NPNT: variants seen among roughly 807,000 people sequenced by gnomAD.
The protein encoded by NPNT is nephronectin, also known as preosteoblast EGF-like repeat protein with MAM domain.
In NPNT, 45 loss-of-function variants were observed where a neutral mutation model predicts 68.6. That is an observed-to-expected ratio of 0.66 (90% CI 0.52 to 0.84). The LOEUF is 0.84. Among genes scored for constraint, NPNT ranks in the 40% least tolerant of loss-of-function variants. NPNT has a pLI of 0.00. For missense variants in NPNT, 672 were observed against 714.8 expected (o/e 0.94, Z 0.68); for synonymous variants, 233 against 253.3 (o/e 0.92, Z 0.76).
intron 2 of NPNT, among the ~76,000 whole-genome samples, chr4:105,915,054 A>G (rs934547116): frequency 1.3e-5 from 2 of 152,188 alleles, no homozygotes; most frequent in Non-Finnish European, 2.9e-5. Context: ...AGGTGAATTT[A>G]GTTTTGCTTG....
At chr4:105,964,347 C>T (rs1731955755) in intron 10 of NPNT, among the ~76,000 whole-genome samples, 1 of 152,214 alleles carries the variant, frequency 6.6e-6, no homozygotes, top group South Asian at 2.1e-4. Context: ...GACAGTAGTG[C>T]AGTGAATAAC....
In NPNT at chr4:105,898,373, TCTCTCTC is replaced by T. The variant is rs1560882088; in HGVS notation, c.172+373_172+379del. Among the ~76,000 whole-genome samples the T allele has an allele frequency of 5.0e-3, 632 of 126,826 alleles. 9 individuals are homozygous for T. Among genetic ancestry groups the T allele is most frequent in the African/African-American group, 0.021 (555 of 26,212 alleles). The allele number at this position is 126,826 out of a possible 152,430, so 83.2% of individuals were successfully genotyped here. A position where few individuals can be genotyped will look rare whatever the true frequency, so the allele number is the denominator to read the frequency against. On this transcript the variant is annotated intron_variant, in intron 2 of 11. Coordinates refer to ENST00000379987, the MANE Select transcript of NPNT (RefSeq NM_001033047.3). ...CTCTCTCTCTCTCTCTCTCTCTCTCTCTCTCTCGCTGACTCGCTTGCTCCAGGCTGGG... is the reference window on the plus strand; with the variant it reads ...CTCTCTCTCTCTCTCTCTCTCTCTCTGCTGACTCGCTTGCTCCAGGCTGGG...
chr4:105,955,486 A>T (rs1202463838), intron 8 of NPNT, among the ~76,000 whole-genome samples: 1 of 152,194 alleles, frequency 6.6e-6, no homozygotes, highest in Admixed American at 6.5e-5. Flanking sequence ...TGCTATTTAT[A>T]TGTGATCTAA....
rs1578562119 is a variant in NPNT at position 105,897,950 on chromosome 4, A to G, written c.121A>G (p.Arg41Gly). 6.2e-7 allele frequency: 1 copy of G among 1,613,532 alleles called. No homozygotes were observed. The highest frequency in any genetic ancestry group is 8.5e-7 in the Non-Finnish European group (1 of 1,179,844). Reference protein sequence around the residue: ...SSIGLCRYGGRIDCCWGWARQ... With the variant: ...SSIGLCRYGGGIDCCWGWARQ... ...GATTGGCCTATGTCGTTATGGTGGG[A>G]GGATTGACTGCTGCTGGGGCTGGGC... Residue 41 changes from arginine (R) to glycine (G), a missense_variant, in exon 2 of 12, where the codon AGG becomes GGG. By Grantham distance (125) the Arg-to-Gly change is moderately radical (BLOSUM62 -2). Transcript: ENST00000379987.
chr4:105,940,158 T>C lies in NPNT; in HGVS notation c.589T>C (p.Cys197Arg). 6.2e-7 allele frequency: 1 copy of C among 1,613,174 alleles called. No individual in the cohort carries two copies. Among genetic ancestry groups the C allele is most frequent in the Admixed American group, 1.7e-5 (1 of 59,984 alleles). ...CACTTTTGGGAGCTACATCTGCAAG[T>C]GTCATAAAGGCTTCGATCTCATGTA... ...VNTFGSYICKCHKGFDLMYIG... is the reference protein window; with the variant it reads ...VNTFGSYICKRHKGFDLMYIG... Residue 197 changes from cysteine to arginine, a missense_variant, in exon 6 of 12, where the codon TGT (cysteine) becomes CGT (arginine). Cys to Arg is a radical substitution (Grantham distance 180, BLOSUM62 -3). Transcript: ENST00000379987.
At chr4:105,931,123 T>A (rs1219026630) in intron 3 of NPNT, among the ~76,000 whole-genome samples, 2 of 152,152 alleles carry the variant, frequency 1.3e-5, no homozygotes, top group African/African-American at 4.8e-5. Flanking sequence ...CCCTCCTCCT[T>A]GAGTTTCTGT....
intron 2 of NPNT, chr4:105,902,909 A>G (rs1437699329): frequency 2.0e-5 from 3 of 152,186 alleles, no homozygotes; most frequent in African/African-American, 7.2e-5. Flanking sequence ...AAGATCTACT[A>G]ATTTCCTGAA....
chr4:105,929,314 G>A lies in NPNT; in HGVS notation c.265+1886G>A, dbSNP rs1728933828. 2.0e-5 allele frequency among the ~76,000 whole-genome samples: 3 copies of A among 152,150 alleles called. No homozygotes were observed. The South Asian group carries it at 6.2e-4, about 32-fold the overall frequency. On this transcript the variant is annotated intron_variant, in intron 3 of 11. Transcript: ENST00000379987. The stretch of plus-strand genomic sequence containing the variant: ...TGAACCATCAGATGAAATTATTCAT[G>A]AACCATCAGATGAAATCCACACTAG...
rs1732224571 is a variant in NPNT at position 105,967,227 on chromosome 4, G to A, written c.1385G>A (p.Gly462Glu). 6 of 1,613,972 alleles carry A rather than the reference G, an allele frequency of 3.7e-6. No individual in the cohort carries two copies. The highest frequency in any genetic ancestry group is 5.1e-6 in the Non-Finnish European group (6 of 1,180,014). Residue 462 changes from glycine (G) to glutamate (E), a missense_variant, in exon 11 of 12, where the codon GGG becomes GAG. Transcript: ENST00000379987. Reference protein sequence around the residue: ...YLTVSAAKAPGGKAARLVLPL... With the variant: ...YLTVSAAKAPEGKAARLVLPL... ...ACAGTGTCGGCAGCCAAAGCCCCAG[G>A]GGGAAAAGCTGCACGCTTGGTGCTA...
chr4:105,950,318 G>A (rs1170690571), intron 8 of NPNT, among the ~76,000 whole-genome samples: 1 of 139,500 alleles, frequency 7.2e-6, no homozygotes, highest in African/African-American at 2.7e-5. Context: ...AATAACATAG[G>A]ATGTTTATTA....
At chr4:105,923,669 C>T (rs937354283) in intron 2 of NPNT, among the ~76,000 whole-genome samples, 5 of 152,124 alleles carry the variant, frequency 3.3e-5, no homozygotes, top group South Asian at 2.1e-4. Context: ...ATGACATGCA[C>T]GTTCTAGGCG....
intron 10 of NPNT, among the ~76,000 whole-genome samples, chr4:105,962,466 A>G (rs1454827207): frequency 6.6e-6 from 1 of 152,154 alleles, no homozygotes; most frequent in Non-Finnish European, 1.5e-5. Context: ...GTCATCTAAA[A>G]AGAGAACAGG....
Position 105,895,721 on chromosome 4 carries a change from G to C in NPNT, c.69G>C (p.Gly23=). 6.4e-7 allele frequency: 1 copy of C among 1,552,704 alleles called. No homozygotes were observed. The highest frequency in any genetic ancestry group is 8.7e-7 in the Non-Finnish European group (1 of 1,147,506). ...LYLQAAAEFD[G]RWPRQIVSSI... ...TGCAGGCGGCCGCCGAGTTCGACGG[G>C]AGGTGAGCTGGGCCCCGGGGCGCCC... Residue 23 remains glycine, a splice_region_variant and synonymous_variant, in exon 1 of 12, where the codon GGG becomes GGC. Transcript: ENST00000379987.
At chr4:105,952,053 A>G (rs1730879809) in intron 8 of NPNT, among the ~76,000 whole-genome samples, 1 of 152,208 alleles carries the variant, frequency 6.6e-6, no homozygotes, top group Admixed American at 6.5e-5. Context: ...GCATGTAGTA[A>G]TAACTTAATA....
intron 8 of NPNT, among the ~76,000 whole-genome samples, chr4:105,948,582 A>G (rs1190609425): frequency 2.1e-4 from 32 of 152,124 alleles, no homozygotes; most frequent in Admixed American, 2.1e-3. Context: ...AATAACCTTG[A>G]TGGGGAGAAC....
At chr4:105,911,023 A>G (rs1313530259) in intron 2 of NPNT, among the ~76,000 whole-genome samples, 1 of 152,056 alleles carries the variant, frequency 6.6e-6, no homozygotes, top group Non-Finnish European at 1.5e-5. Context: ...ATCCTTTTAT[A>G]TTTTTTCTGT....
At chr4:105,915,131 G>T (rs931315673) in intron 2 of NPNT, among the ~76,000 whole-genome samples, 5 of 152,116 alleles carry the variant, frequency 3.3e-5, no homozygotes, top group Admixed American at 1.3e-4. Context: ...AAATCGGTAG[G>T]TCTGCATTGC....
intron 2 of NPNT, among the ~76,000 whole-genome samples, chr4:105,922,136 A>C (rs1728305011): frequency 1.3e-5 from 2 of 151,998 alleles, no homozygotes; most frequent in African/African-American, 4.8e-5. Context: ...CAAGTTACTA[A>C]CTACCATTGA....
At chr4:105,965,432 A>G (rs1024342130) in intron 10 of NPNT, among the ~76,000 whole-genome samples, 14 of 151,888 alleles carry the variant, frequency 9.2e-5, no homozygotes, top group African/African-American at 3.1e-4. Flanking sequence ...AAGAACAATC[A>G]TAACCTCATT....
Sources: allele counts gnomAD v4.1 joint callset (sites outside exome capture counted in the v4.1 genomes callset), GRCh38; gene constraint gnomAD v4.1.1; transcripts MANE v1.5; gene names NCBI Gene and HGNC (gene_info 2026-07-23, HGNC 2026-07-21).